Variants in SPAG17 observed in about 807,000 individuals in gnomAD.
SPAG17 encodes sperm associated antigen 17, also known as sperm-associated antigen 17.
A neutral mutation model predicts 273.6 loss-of-function variants in SPAG17; 169 were observed. The observed-to-expected ratio is 0.62, with a 90% CI of 0.55 to 0.70. SPAG17 has a LOEUF of 0.70. SPAG17 is among the 30% of genes least tolerant of loss of function. The pLI, the probability that SPAG17 is intolerant of heterozygous loss-of-function variation, is 0.00. For missense variants in SPAG17, 2,557 were observed against 2,627.8 expected (o/e 0.97, Z 0.59); for synonymous variants, 825 against 873.2 (o/e 0.94, Z 0.97).
chr1:118,097,245 G>T (rs973397924), intron 7 of SPAG17, among the ~76,000 whole-genome samples: 1 of 151,192 alleles, frequency 6.6e-6, no homozygotes. Context: ...AAAAAAGGGG[G>T]GAATAAAAGC....
At chr1:117,990,396 A>G (rs1656947872) in intron 38 of SPAG17, among the ~76,000 whole-genome samples, 1 of 152,164 alleles carries the variant, frequency 6.6e-6, no homozygotes, top group Admixed American at 6.5e-5. Context: ...AGGGCTGTGT[A>G]TATATACCTC....
intron 4 of SPAG17, among the ~76,000 whole-genome samples, chr1:118,114,830 A>T (rs533320091): frequency 6.6e-6 from 1 of 152,184 alleles, no homozygotes. Context: ...GCAATATAGG[A>T]GTAGAAGTGA....
chr1:118,058,102 A>T (rs948801085), intron 18 of SPAG17, among the ~76,000 whole-genome samples: 3 of 152,198 alleles, frequency 2.0e-5, no homozygotes, highest in African/African-American at 7.2e-5. Context: ...AAGTAAGTGA[A>T]TGGATTAAAT....
intron 3 of SPAG17, among the ~76,000 whole-genome samples, chr1:118,147,405 A>C (rs761573690): frequency 2.0e-5 from 3 of 152,194 alleles, no homozygotes; most frequent in Non-Finnish European, 4.4e-5. Flanking sequence ...GTTCATCTTC[A>C]TCCTCATTAT....
At chr1:118,011,054 T>G (rs939037212) in intron 30 of SPAG17, among the ~76,000 whole-genome samples, 2 of 152,088 alleles carry the variant, frequency 1.3e-5, no homozygotes, top group African/African-American at 4.8e-5. Context: ...TGGCAATTAT[T>G]AAAAGGCCAA....
intron 28 of SPAG17, among the ~76,000 whole-genome samples, chr1:118,020,588 A>T (rs1008567131): frequency 1.3e-5 from 2 of 152,178 alleles, no homozygotes; most frequent in Non-Finnish European, 2.9e-5. Flanking sequence ...TAAAAAAGAC[A>T]TATTTATTTC....
chr1:118,173,142 A>C lies in SPAG17; in HGVS notation c.87+11929T>G, dbSNP rs530125569. On this transcript the variant is annotated intron_variant, in intron 1 of 48. Transcript: ENST00000336338. The stretch of plus-strand genomic sequence containing the variant: ...TCTTTGCCCACCATTAAAAAAAAAA[A>C]CCGTAGAGACTAACGTAGCAGTATA... Among the ~76,000 whole-genome samples, 652 of 152,184 alleles carry C rather than the reference A, an allele frequency of 4.3e-3. 2 individuals carry two copies. The highest frequency in any genetic ancestry group is 7.1e-3 in the Non-Finnish European group (483 of 68,006).
intron 43 of SPAG17, among the ~76,000 whole-genome samples, chr1:117,975,289 G>GC (rs990849749): frequency 1.3e-3 from 196 of 152,296 alleles, no homozygotes; most frequent in African/African-American, 4.4e-3. Context: ...GAAGCCAAAT[G>GC]CCCCTGGGCT....
At chr1:118,183,825 G>A (rs1661055639) in intron 1 of SPAG17, among the ~76,000 whole-genome samples, 1 of 152,122 alleles carries the variant, frequency 6.6e-6, no homozygotes. Flanking sequence ...CAAAGAAAAT[G>A]GAGAAAAAAT....
intron 7 of SPAG17, among the ~76,000 whole-genome samples, chr1:118,095,013 A>G (rs530920661): frequency 1.1e-3 from 166 of 152,292 alleles, no homozygotes; most frequent in African/African-American, 3.8e-3. Context: ...CCAACTAGAG[A>G]CCCTTTACAT....
At chr1:117,955,321 G>T in intron 48 of SPAG17, 1 of 1,611,502 alleles carries the variant, frequency 6.2e-7, no homozygotes, top group Non-Finnish European at 8.5e-7. Context: ...ATAGCCTTCA[G>T]CTTATGTATT....
intron 32 of SPAG17, among the ~76,000 whole-genome samples, chr1:118,004,264 G>A (rs920736567): frequency 7.2e-5 from 11 of 152,160 alleles, no homozygotes; most frequent in Admixed American, 3.9e-4. Context: ...TAGGCTACAC[G>A]GGGGTCATGG....
At chr1:117,964,347 C>G (rs1165884458) in intron 47 of SPAG17, 2 of 152,706 alleles carry the variant, frequency 1.3e-5, no homozygotes, top group African/African-American at 2.5e-5. Flanking sequence ...CTGACAGGTT[C>G]TCTCTAATCT....
intron 10 of SPAG17, among the ~76,000 whole-genome samples, chr1:118,090,161 T>C (rs1256511252): frequency 6.6e-6 from 1 of 152,338 alleles, no homozygotes; most frequent in East Asian, 1.9e-4. Context: ...GAAGATTACA[T>C]GAGTTAACAT....
intron 4 of SPAG17, among the ~76,000 whole-genome samples, 179 bp from the exon 5 acceptor site, chr1:118,102,105 G>C (rs1408544988): frequency 6.6e-6 from 1 of 152,148 alleles, no homozygotes; most frequent in Non-Finnish European, 1.5e-5. Flanking sequence ...TTGTGACAAG[G>C]CACATTTATG....
At chr1:118,021,423 T>C (rs1157593436) in intron 28 of SPAG17, among the ~76,000 whole-genome samples, 1 of 151,950 alleles carries the variant, frequency 6.6e-6, no homozygotes, top group East Asian at 1.9e-4. Flanking sequence ...TGGTTCAGGA[T>C]GGGTGGAATA....
chr1:118,145,303 T>A (rs778331558), intron 3 of SPAG17, among the ~76,000 whole-genome samples: 2 of 152,232 alleles, frequency 1.3e-5, no homozygotes, highest in Non-Finnish European at 2.9e-5. Flanking sequence ...GAGTTTCATA[T>A]CAGGAATCTG....
chr1:118,093,773 C>T (rs757587278), intron 7 of SPAG17, among the ~76,000 whole-genome samples: 1 of 151,582 alleles, frequency 6.6e-6, no homozygotes, highest in Non-Finnish European at 1.5e-5. Context: ...TACCCAAGTA[C>T]GTTGCATCTA....
chr1:118,017,321 C>CA, intron 28 of SPAG17, among the ~76,000 whole-genome samples: 1 of 151,844 alleles, frequency 6.6e-6, no homozygotes, highest in East Asian at 1.9e-4. Flanking sequence ...TTTTTCTAAT[C>CA]AAAAAAGGTG....
Sources: allele counts gnomAD v4.1 joint callset (sites outside exome capture counted in the v4.1 genomes callset), GRCh38; gene constraint gnomAD v4.1.1; transcripts MANE v1.5; gene names NCBI Gene and HGNC (gene_info 2026-07-23, HGNC 2026-07-21).